Variants in DIS3L2 observed in about 807,000 individuals in gnomAD.
DIS3L2 encodes DIS3 like 3'-5' exoribonuclease 2, also known as DIS3-like exonuclease 2.
DIS3L2 carries 34 observed loss-of-function variants against 97.5 expected under a neutral mutation model. The ratio of observed to expected loss-of-function variants is 0.35; its 90% CI spans 0.27 to 0.46. The LOEUF (loss-of-function observed/expected upper bound fraction) is 0.46. Ranked by LOEUF, DIS3L2 falls within the 20% of genes least tolerant of loss-of-function variation. The probability of loss-of-function intolerance (pLI) is 1.00; values close to 1 mark genes in which losing one functional copy is unlikely to be tolerated. For missense variants in DIS3L2, 1,038 were observed against 1,146.0 expected (o/e 0.91, Z 1.36); for synonymous variants, 435 against 445.2 (o/e 0.98, Z 0.29).
intron 13 of DIS3L2, among the ~76,000 whole-genome samples, chr2:232,264,958 A>G (rs1365302549): frequency 6.6e-6 from 1 of 152,242 alleles, no homozygotes; most frequent in Non-Finnish European, 1.5e-5. Flanking sequence ...GAATGCTGAC[A>G]GGGAGACAAG....
intron 10 of DIS3L2, among the ~76,000 whole-genome samples, chr2:232,237,878 GC>G (rs1692977558): frequency 6.6e-6 from 1 of 152,190 alleles, no homozygotes; most frequent in South Asian, 2.1e-4. Context: ...CATCTAAATG[GC>G]TTGAGGGAAG....
rs572386112 is a variant in DIS3L2, at chr2:232,095,577, A to T, written c.601+7856A>T. Among the ~76,000 whole-genome samples the T allele has an allele frequency of 1.5e-4, 23 of 152,290 alleles. No homozygotes were observed. In the South Asian group the frequency reaches 4.1e-3, roughly 27 times the overall value. ...GTTTATCTTTTAATCTTTCTATTTA[A>T]GGTAAGAGTAGTTTACACACCAAAG... On this transcript the variant is annotated intron_variant, in intron 6 of 20. Transcript: ENST00000325385.
chr2:231,974,027 G>A (rs1693000693), intron 1 of DIS3L2, among the ~76,000 whole-genome samples: 1 of 152,014 alleles, frequency 6.6e-6, no homozygotes, highest in Non-Finnish European at 1.5e-5. Context: ...AGCTTCCCAT[G>A]TTCCTAATAC....
intron 9 of DIS3L2, among the ~76,000 whole-genome samples, chr2:232,202,935 A>G (rs1025758713): frequency 4.6e-5 from 7 of 152,232 alleles, no homozygotes; most frequent in African/African-American, 1.7e-4. Context: ...CTAGGTTTGA[A>G]TGATGATCCC....
chr2:232,232,125 C>T (rs1443299799), intron 10 of DIS3L2, among the ~76,000 whole-genome samples: 3 of 152,132 alleles, frequency 2.0e-5, no homozygotes, highest in Non-Finnish European at 4.4e-5. Flanking sequence ...AAAACATGCA[C>T]AGAGCAGACC....
At chr2:232,340,361 G>T (rs1289230488), downstream of DIS3L2, among the ~76,000 whole-genome samples, 3 of 152,184 alleles carry the variant, frequency 2.0e-5, no homozygotes, top group Non-Finnish European at 4.4e-5. Context: ...GGACCTCTGG[G>T]CTGGGGTGAA....
chr2:231,974,361 C>A (rs1191471306), intron 1 of DIS3L2, among the ~76,000 whole-genome samples: 2 of 152,038 alleles, frequency 1.3e-5, no homozygotes, highest in Non-Finnish European at 2.9e-5. Context: ...GCCTCAAGGT[C>A]TCAGCTGTCA....
chr2:232,246,265 G>C (rs1270355553), intron 11 of DIS3L2, among the ~76,000 whole-genome samples: 2 of 152,250 alleles, frequency 1.3e-5, no homozygotes, highest in African/African-American at 2.4e-5. Flanking sequence ...CCTTTTAGCA[G>C]TGGCAATGAG....
At chr2:232,234,375 G>A (rs751281881) in intron 10 of DIS3L2, among the ~76,000 whole-genome samples, 2 of 152,072 alleles carry the variant, frequency 1.3e-5, no homozygotes, top group African/African-American at 4.8e-5. Flanking sequence ...TTCTTGAGAC[G>A]GAGTCTCACT....
At chr2:232,295,784 T>C (rs911579593) in intron 13 of DIS3L2, among the ~76,000 whole-genome samples, 1 of 152,034 alleles carries the variant, frequency 6.6e-6, no homozygotes, top group African/African-American at 2.4e-5. Flanking sequence ...CCTGCAAGAG[T>C]CTTTTCTGAT....
intron 1 of DIS3L2, among the ~76,000 whole-genome samples, chr2:231,972,583 A>G (rs1213182082): frequency 6.6e-6 from 1 of 151,814 alleles, no homozygotes; most frequent in African/African-American, 2.4e-5. Context: ...TTGCTCTGTC[A>G]CCCAGGCTGG....
At chr2:232,038,733 G>A (rs1246834535) in intron 5 of DIS3L2, among the ~76,000 whole-genome samples, 1 of 152,164 alleles carries the variant, frequency 6.6e-6, no homozygotes, top group Non-Finnish European at 1.5e-5. Context: ...ACCAAAGCTT[G>A]GGGGTAGGTT....
chr2:232,297,665 A>C (rs1436729624), intron 13 of DIS3L2, among the ~76,000 whole-genome samples: 2 of 151,408 alleles, frequency 1.3e-5, no homozygotes, highest in Non-Finnish European at 2.9e-5. Flanking sequence ...AGCTAGTGAT[A>C]GGCACTGTTG....
chr2:232,228,610 C>G (rs903496852), intron 10 of DIS3L2, among the ~76,000 whole-genome samples: 1 of 152,128 alleles, frequency 6.6e-6, no homozygotes, highest in Admixed American at 6.5e-5. Flanking sequence ...CCATAATCCA[C>G]CAGGAGAATT....
chr2:232,302,764 T>C (rs1214241099), intron 14 of DIS3L2, among the ~76,000 whole-genome samples: 1 of 152,034 alleles, frequency 6.6e-6, no homozygotes, highest in Non-Finnish European at 1.5e-5. Flanking sequence ...TTTCACCATA[T>C]TGGCGAGGCT....
chr2:232,133,226 G>C (rs1466451793), intron 7 of DIS3L2, among the ~76,000 whole-genome samples: 1 of 152,176 alleles, frequency 6.6e-6, no homozygotes, highest in Non-Finnish European at 1.5e-5. Context: ...CTTAGACCAG[G>C]TGGCCTGGCT....
At chr2:232,061,511 T>C (rs925155949) in intron 5 of DIS3L2, among the ~76,000 whole-genome samples, 18 of 152,236 alleles carry the variant, frequency 1.2e-4, no homozygotes, top group Non-Finnish European at 2.4e-4. Context: ...TGAGCACACG[T>C]ACACGTATAG....
chr2:232,086,026 C>A (rs560401116), intron 5 of DIS3L2, among the ~76,000 whole-genome samples: 1 of 151,828 alleles, frequency 6.6e-6, no homozygotes, highest in African/African-American at 2.4e-5. Flanking sequence ...TTGCCCAGGC[C>A]GGTCTTAAAC....
intron 5 of DIS3L2, among the ~76,000 whole-genome samples, chr2:232,059,548 T>C (rs1695644382): frequency 6.6e-6 from 1 of 152,134 alleles, no homozygotes; most frequent in East Asian, 1.9e-4. Context: ...GACTATATTG[T>C]GTGATGCTGA....
Sources: gnomAD v4.1 joint callset for allele counts (sites outside exome capture counted in the v4.1 genomes callset) on GRCh38, gnomAD v4.1.1 for gene constraint, MANE v1.5 for transcripts, NCBI Gene and HGNC (gene_info 2026-07-23, HGNC 2026-07-21) for gene names.